ATP9B: variants seen among roughly 807,000 people sequenced by gnomAD.
The protein encoded by ATP9B is ATPase phospholipid transporting 9B, also known as probable phospholipid-transporting ATPase IIB.
In ATP9B, 110 loss-of-function variants were observed where a neutral mutation model predicts 146.1. The observed-to-expected ratio is 0.75, with a 90% CI of 0.65 to 0.88. The LOEUF (loss-of-function observed/expected upper bound fraction) is 0.88, where lower values mean the gene tolerates loss of function less well. Ranked by LOEUF, ATP9B falls within the 40% of genes least tolerant of loss-of-function variation. The pLI, the probability that ATP9B is intolerant of heterozygous loss-of-function variation, is 0.00. For synonymous variants in ATP9B, 604 were observed against 569.7 expected (o/e 1.06, Z -0.86); for missense variants, 1,499 against 1,496.4 (o/e 1.00, Z -0.03).
At chr18:79,323,019 G>C (rs1400435847) in intron 15 of ATP9B, among the ~76,000 whole-genome samples, 4 of 152,196 alleles carry the variant, frequency 2.6e-5, no homozygotes, top group Non-Finnish European at 5.9e-5. Context: ...TGTGATATTT[G>C]ATACAAGCAT....
intron 6 of ATP9B, among the ~76,000 whole-genome samples, chr18:79,151,317 G>A (rs2094685347): frequency 6.6e-6 from 1 of 152,180 alleles, no homozygotes; most frequent in South Asian, 2.1e-4. Context: ...TTACCGAGGT[G>A]GGAGTGTGTT....
At chr18:79,215,179 A>G (rs1391603288) in intron 11 of ATP9B, among the ~76,000 whole-genome samples, 1 of 151,828 alleles carries the variant, frequency 6.6e-6, no homozygotes, top group Non-Finnish European at 1.5e-5. Context: ...ATATTTGAGC[A>G]AGATGTATTC....
intron 8 of ATP9B, among the ~76,000 whole-genome samples, chr18:79,178,189 G>A (rs2095203839): frequency 6.6e-6 from 1 of 152,138 alleles, no homozygotes; most frequent in Non-Finnish European, 1.5e-5. Flanking sequence ...ATCACACAGT[G>A]TGGCTTTCAA....
intron 12 of ATP9B, among the ~76,000 whole-genome samples, chr18:79,272,603 G>A (rs1036574967): frequency 4.0e-5 from 6 of 151,696 alleles, no homozygotes; most frequent in South Asian, 2.1e-4. Context: ...AATCCTGCAC[G>A]GATACGCTCC....
At chr18:79,152,864 A>G (rs1006554669) in intron 6 of ATP9B, among the ~76,000 whole-genome samples, 6 of 152,148 alleles carry the variant, frequency 3.9e-5, no homozygotes, top group Non-Finnish European at 8.8e-5. Flanking sequence ...ATGTGGACCT[A>G]TTTTTGGACA....
chr18:79,237,677 C>G (rs183509417), intron 11 of ATP9B, among the ~76,000 whole-genome samples: 1 of 97,666 alleles, frequency 1.0e-5, no homozygotes, highest in South Asian at 2.9e-4. Flanking sequence ...AAGTATTTGA[C>G]TTTTTTTTTT....
intron 29 of ATP9B, chr18:79,375,671 G>T: frequency 1.0e-6 from 1 of 985,388 alleles, no homozygotes; most frequent in Non-Finnish European, 1.2e-6. Flanking sequence ...CCTGCCATCT[G>T]CTGAGGATTG....
chr18:79,366,219 T>G (rs1185766517), intron 26 of ATP9B, among the ~76,000 whole-genome samples: 3 of 151,998 alleles, frequency 2.0e-5, no homozygotes, highest in Admixed American at 2.0e-4. Context: ...GGGGTGTGGG[T>G]GTGGAAGCTG....
At chr18:79,335,347 GT>G (rs1482926410) in intron 17 of ATP9B, among the ~76,000 whole-genome samples, 2 of 152,180 alleles carry the variant, frequency 1.3e-5, no homozygotes, top group African/African-American at 4.8e-5. Flanking sequence ...CTTTGAGAGT[GT>G]TACCTCCACA....
At chr18:79,084,930 A>G (rs900466737) in intron 1 of ATP9B, among the ~76,000 whole-genome samples, 2 of 151,932 alleles carry the variant, frequency 1.3e-5, no homozygotes, top group African/African-American at 4.8e-5. Context: ...GAAGAATTAG[A>G]TGTGATTTGA....
At chr18:79,158,904 A>G (rs1350516687) in intron 7 of ATP9B, among the ~76,000 whole-genome samples, 1 of 152,066 alleles carries the variant, frequency 6.6e-6, no homozygotes, top group Non-Finnish European at 1.5e-5. Flanking sequence ...TAGTTGTCCT[A>G]TCCATTATTG....
At chr18:79,212,186 A>C (rs369228673) in intron 10 of ATP9B, among the ~76,000 whole-genome samples, 1 of 152,210 alleles carries the variant, frequency 6.6e-6, no homozygotes. Flanking sequence ...TAGTTACGTT[A>C]GATATTAAAA....
intron 10 of ATP9B, among the ~76,000 whole-genome samples, chr18:79,208,982 C>T (rs2148370326): frequency 6.6e-6 from 1 of 152,338 alleles, no homozygotes; most frequent in East Asian, 1.9e-4. Context: ...AACCTGCCCT[C>T]CAGCCTTCTT....
At chr18:79,163,005 T>A (rs2094907299) in intron 7 of ATP9B, among the ~76,000 whole-genome samples, 1 of 152,236 alleles carries the variant, frequency 6.6e-6, no homozygotes, top group Admixed American at 6.5e-5. Context: ...TAAAATCAAG[T>A]ATTCATAAGC....
At chr18:79,262,859 G>T (rs2096158484) in intron 12 of ATP9B, among the ~76,000 whole-genome samples, 1 of 152,072 alleles carries the variant, frequency 6.6e-6, no homozygotes, top group Admixed American at 6.6e-5. Context: ...TCTCTTATTA[G>T]TTATAGCATG....
At chr18:79,320,796 C>CTT (rs1568673920) in intron 15 of ATP9B, among the ~76,000 whole-genome samples, 9 of 98,772 alleles carry the variant, frequency 9.1e-5, no homozygotes, top group East Asian at 1.7e-3. Flanking sequence ...TAGGAAACTC[C>CTT]GGGATGCTGT....
chr18:79,329,027 GTTC>G, intron 15 of ATP9B, 111 bp from the exon 16 acceptor site: 1 of 1,160,660 alleles, frequency 8.6e-7, no homozygotes, highest in African/African-American at 1.6e-5. Context: ...GAACACCTAA[GTTC>G]TTCTGCAGCT....
intron 26 of ATP9B, among the ~76,000 whole-genome samples, chr18:79,365,263 G>A (rs1194332927): frequency 6.6e-6 from 1 of 152,176 alleles, no homozygotes; most frequent in African/African-American, 2.4e-5. Context: ...AAGATGCTCA[G>A]TGCCATTTTC....
At chr18:79,157,243 CA>C (rs2094800232) in intron 7 of ATP9B, among the ~76,000 whole-genome samples, 2 of 144,912 alleles carry the variant, frequency 1.4e-5, no homozygotes, top group Admixed American at 1.4e-4. Context: ...CACACACACA[CA>C]CACTAGCCAG....
Sources: allele counts gnomAD v4.1 joint callset (sites outside exome capture counted in the v4.1 genomes callset), GRCh38; gene constraint gnomAD v4.1.1; transcripts MANE v1.5; gene names NCBI Gene and HGNC (gene_info 2026-07-23, HGNC 2026-07-21).